TNXB: variants seen among roughly 807,000 people sequenced by gnomAD.
The protein encoded by TNXB is tenascin XB, also known as tenascin-X.
TNXB carries 183 observed loss-of-function variants against 340.5 expected under a neutral mutation model. The ratio of observed to expected loss-of-function variants is 0.54; its 90% CI spans 0.48 to 0.61. TNXB has a LOEUF of 0.61. Ranked by LOEUF, TNXB falls within the 20% of genes least tolerant of loss-of-function variation. The pLI is 0.00. For missense variants in TNXB, 4,613 were observed against 5,446.4 expected, an observed-to-expected ratio of 0.85 and a Z score of 4.82; for synonymous variants, 2,121 against 2,314.5, an observed-to-expected ratio of 0.92 and a Z score of 2.40.
chr6:32,096,555 C>A lies in TNXB; in HGVS notation c.1298G>T (p.Arg433Leu). The A allele has an allele frequency of 6.4e-7, 1 of 1,554,094 alleles. No individual in the cohort carries two copies. The highest frequency in any genetic ancestry group is 1.7e-4 in the Middle Eastern group (1 of 5,872). The change falls in exon 3 of 44, where the codon CGC becomes CTC. Residue 433 changes from arginine (R) to leucine (L), a missense_variant. Around this residue, in one of 7 missense-constraint regions of TNXB, gnomAD observed 4,327 missense variants for 4,859.4 expected, o/e 0.89. Coordinates refer to ENST00000644971, the MANE Select transcript of TNXB (RefSeq NM_001365276.2). ...ACCTCTACAGTCGCGTGGGCAGGCGCGCGAGCCGCAATCGGTTCCAGTGTA... is the reference window on the plus strand; with the variant it reads ...ACCTCTACAGTCGCGTGGGCAGGCGAGCGAGCCGCAATCGGTTCCAGTGTA... ...PGYTGTDCGSRACPRDCRGRG... is the reference protein window; with the variant it reads ...PGYTGTDCGSLACPRDCRGRG...
In TNXB at chr6:32,073,300, A is replaced by G. The variant is rs1194086970; in HGVS notation, c.4681+347T>C. On this transcript the variant is annotated intron_variant, in intron 12 of 43. Coordinates refer to ENST00000644971, the MANE Select transcript of TNXB (RefSeq NM_001365276.2). The surrounding 1 kb of genome is among the most constrained non-coding windows in gnomAD (Gnocchi z 4.6). ...AAGCAGGAGGTGGCAGCTGTGTCCA[A>G]GTCACAGCAGGGTTGTAAAGAGAAG... is the stretch of plus-strand genomic sequence containing the variant. Among the ~76,000 whole-genome samples, 1 of 152,200 alleles carries G rather than the reference A, an allele frequency of 6.6e-6. No homozygotes were observed. Among genetic ancestry groups the G allele is most frequent in the Non-Finnish European group, 1.5e-5 (1 of 68,034 alleles).
Position 32,097,614 on chromosome 6 carries a change from C to T in TNXB, c.404-165G>A. 9.1e-7 allele frequency: 1 copy of T among 1,093,248 alleles called. No individual in the cohort carries two copies. The highest frequency in any genetic ancestry group is 1.3e-6 in the Non-Finnish European group (1 of 787,122). 67.7% of individuals were successfully genotyped at this position (1,093,248 alleles called of 1,614,324 possible). On this transcript the variant is annotated intron_variant, in intron 2 of 43. Coordinates refer to ENST00000644971, the MANE Select transcript of TNXB (RefSeq NM_001365276.2). This position sits in a 1 kb window ranked among gnomAD's most constrained non-coding sequence, Gnocchi z 5.9. ...GTAATGTATGCAGCCTCTCAGGGCC[C>T]TCGCATATGCTTTGGTTGACATGTA... is the stretch of plus-strand genomic sequence containing the variant.
intron 18 of TNXB, among the ~76,000 whole-genome samples, chr6:32,065,780 G>A (rs529627017): frequency 2.6e-5 from 4 of 152,000 alleles, no homozygotes; most frequent in South Asian, 2.1e-4. Context: ...GTGCCACCAC[G>A]CTCCGCTTTT....
In TNXB at chr6:32,078,073, GAGAAAGAAAGAAAGAAAGAAAGAA is replaced by G. The variant is rs57498424; in HGVS notation, c.4375+936_4375+959del. ...AGAGAGAGAGAGAGACAGAAAGAAAGAGAAAGAAAGAAAGAAAGAAAGAAAGAAAGAAAGAAAGAAAGAAAGAAA... is the reference window on the plus strand; with the variant it reads ...AGAGAGAGAGAGAGACAGAAAGAAAGAGAAAGAAAGAAAGAAAGAAAGAAA... On this transcript the variant is annotated intron_variant, in intron 11 of 43. Coordinates refer to ENST00000644971, the MANE Select transcript of TNXB (RefSeq NM_001365276.2). Among the ~76,000 whole-genome samples the G allele has an allele frequency of 6.6e-4, 82 of 125,098 alleles. 1 individual carries two copies. Among genetic ancestry groups the G allele is most frequent in the Admixed American group, 2.5e-3 (30 of 11,890 alleles). The allele number at this position is 125,098 out of a possible 152,430, so 82.1% of individuals were successfully genotyped here. A position where few individuals can be genotyped will look rare whatever the true frequency, so the allele number is the denominator to read the frequency against.
chr6:32,078,807 A>G (rs1779260580), intron 11 of TNXB, among the ~76,000 whole-genome samples: 2 of 152,226 alleles, frequency 1.3e-5, no homozygotes, highest in Non-Finnish European at 2.9e-5. Flanking sequence ...TCTGTGAGGT[A>G]GGTGTCCCCA....
rs1172217170 is a variant in TNXB, at chr6:32,049,637, T to C, written c.9440-50A>G. ...GAGTGAGGGGGATGTCCTTGGGTCC[T>C]GGGGAAAAGGAGGGAGAAGCCAAGG... On this transcript the variant is annotated intron_variant, in intron 27 of 43. Coordinates refer to ENST00000644971, the MANE Select transcript of TNXB (RefSeq NM_001365276.2). This position sits in a 1 kb window ranked among gnomAD's most constrained non-coding sequence, Gnocchi z 4.5. The C allele has an allele frequency of 7.0e-6, 11 of 1,572,390 alleles. No homozygotes were observed. Among genetic ancestry groups the C allele is most frequent in the East Asian group, 2.3e-5 (1 of 44,290 alleles).
chr6:32,109,043 G>A (rs535332123), intron 1 of TNXB, 138 bp downstream of exon 1: 1 of 152,544 alleles, frequency 6.6e-6, no homozygotes, highest in East Asian at 1.9e-4. Context: ...ATGCTCCTAT[G>A]TCCTCTGTCC....
At chr6:32,104,125 C>A (rs920587482) in intron 1 of TNXB, among the ~76,000 whole-genome samples, 1 of 152,250 alleles carries the variant, frequency 6.6e-6, no homozygotes, top group East Asian at 1.9e-4. Context: ...CCAGAACGAC[C>A]AAGTAAGTGA....
chr6:32,043,781 T>G lies in TNXB; in HGVS notation c.11498A>C (p.Glu3833Ala). The G allele has an allele frequency of 6.2e-7, 1 of 1,613,424 alleles. No homozygotes were observed. Among genetic ancestry groups the G allele is most frequent in the Non-Finnish European group, 8.5e-7 (1 of 1,179,988 alleles). ...GAGGAAGCCTGTGAGAGGCTCACTC[T>G]CCTCAAAGCCTCGGACCGAGACCAC... ...VTVVSVRGFE[E>A]SEPLTGFLTT... Residue 3833 changes from glutamate (E) to alanine (A), a missense_variant, in exon 35 of 44, where the codon GAG becomes GCG. Around this residue, in one of 7 missense-constraint regions of TNXB, gnomAD observed 114 missense variants for 104.5 expected, o/e 1.09. Transcript: ENST00000644971.
chr6:32,062,613 T>C lies in TNXB; in HGVS notation c.6842-130A>G, dbSNP rs938423649. 29 of 924,944 alleles carry C rather than the reference T, an allele frequency of 3.1e-5. No homozygotes were observed. The highest frequency in any genetic ancestry group is 4.1e-5 in the Non-Finnish European group (26 of 634,760). The allele number at this position is 924,944 out of a possible 1,614,324, so 57.3% of individuals were successfully genotyped here. A position where few individuals can be genotyped will look rare whatever the true frequency, so the allele number is the denominator to read the frequency against. Reference sequence around the variant, plus strand: ...GGTGCCCCAAGCTTAGAATATCATTTTTCTGCTTTGAATGTTCAGTTAACA... The same window carrying C: ...GGTGCCCCAAGCTTAGAATATCATTCTTCTGCTTTGAATGTTCAGTTAACA... On this transcript the variant is annotated intron_variant, in intron 19 of 43. Coordinates refer to ENST00000644971, the MANE Select transcript of TNXB (RefSeq NM_001365276.2). This position sits in a 1 kb window ranked among gnomAD's most constrained non-coding sequence, Gnocchi z 4.3.
At chr6:32,066,642 G>C (rs1319319681) in intron 18 of TNXB, among the ~76,000 whole-genome samples, 1 of 152,184 alleles carries the variant, frequency 6.6e-6, no homozygotes, top group Admixed American at 6.5e-5. Flanking sequence ...TTTCTTTTGG[G>C]GGTGATGGAA....
rs758474797 is a variant in TNXB at position 32,068,364 on chromosome 6, C to T, written c.6220+26G>A. ...GAGGGTGACCCTCCCATGGCTCCCA[C>T]CCTGGGGCTCCCATCATCCACTCAC... On this transcript the variant is annotated intron_variant, in intron 17 of 43. Transcript: ENST00000644971. The surrounding 1 kb of genome is among the most constrained non-coding windows in gnomAD (Gnocchi z 5.3). 4 of 1,609,694 alleles carry T rather than the reference C, an allele frequency of 2.5e-6. No homozygotes were observed. The African/African-American group carries it at 4.0e-5, about 16-fold the overall frequency.
At position 32,073,010 on chromosome 6, in the gene TNXB, C is replaced by G. The variant is rs1212407674; in HGVS notation, c.4681+637G>C. On this transcript the variant is annotated intron_variant, in intron 12 of 43. Transcript: ENST00000644971. This position sits in a 1 kb window ranked among gnomAD's most constrained non-coding sequence, Gnocchi z 4.6. ...ATAAATATAATGTTTCCTTTGTAAT[C>G]CTATACAGCTTATTTTACAGATTTA... Among the ~76,000 whole-genome samples, 1 of 152,104 alleles carries G rather than the reference C, an allele frequency of 6.6e-6. No homozygotes were observed. The highest frequency in any genetic ancestry group is 1.5e-5 in the Non-Finnish European group (1 of 68,016).
Position 32,108,654 on chromosome 6 carries a change from G to C in TNXB, c.-9+527C>G, listed in dbSNP as rs1781095575. On this transcript the variant is annotated intron_variant, in intron 1 of 43. Transcript: ENST00000644971. This position sits in a 1 kb window ranked among gnomAD's most constrained non-coding sequence, Gnocchi z 4.8. Reference sequence around the variant, plus strand: ...TGCAACTCTCACGCTGCCACCTAGGGAGTCCCCATTTGGATGCCCAAAGAA... The same window carrying C: ...TGCAACTCTCACGCTGCCACCTAGGCAGTCCCCATTTGGATGCCCAAAGAA... Among the ~76,000 whole-genome samples the C allele has an allele frequency of 2.6e-5, 4 of 152,126 alleles. No individual in the cohort carries two copies. The highest frequency in any genetic ancestry group is 2.1e-4 in the South Asian group (1 of 4,820).
rs370247744 is a variant in TNXB at position 32,068,466 on chromosome 6, G to A, written c.6144C>T (p.Asp2048=). The A allele has an allele frequency of 6.8e-6, 11 of 1,613,756 alleles. No homozygotes were observed. In the South Asian group the frequency reaches 8.8e-5, roughly 13 times the overall value. ...CGTACAGGTTCATCTTGTATTTATG[G>A]TCTGGCTCCAGGCCCGAGATGGTGA... The part of the protein sequence containing the change: ...EGVTISGLEP[D]HKYKMNLYGF... Residue 2048 remains aspartate (D), a synonymous_variant, in exon 17 of 44, where the codon GAC becomes GAT. Transcript: ENST00000644971. This position sits in a 1 kb window ranked among gnomAD's most constrained non-coding sequence, Gnocchi z 5.3.
chr6:32,073,649 G>A lies in TNXB; in HGVS notation c.4679C>T (p.Thr1560Met), dbSNP rs535714494. The part of the protein sequence containing the change: ...RMGPLSVVIV[T>M]APLPPAPATE... ...GACTGAGTCCCCCCATTACTCACCCGTCACGATGACCACAGACAGGGGGCC... is the reference window on the plus strand; with the variant it reads ...GACTGAGTCCCCCCATTACTCACCCATCACGATGACCACAGACAGGGGGCC... Residue 1560 changes from threonine to methionine, a missense_variant and splice_region_variant, in exon 12 of 44, where the codon ACG (threonine) becomes ATG (methionine). Thr to Met is a moderately conservative substitution (Grantham distance 81). Coordinates refer to ENST00000644971, the MANE Select transcript of TNXB (RefSeq NM_001365276.2). The surrounding 1 kb of genome is among the most constrained non-coding windows in gnomAD (Gnocchi z 4.6). 6.0e-5 allele frequency: 97 copies of A among 1,605,654 alleles called. No individual in the cohort carries two copies. The highest frequency in any genetic ancestry group is 5.3e-4 in the South Asian group (48 of 90,100).
Position 32,087,162 on chromosome 6 carries a change from T to G in TNXB, c.2780-1044A>C. The G allele has an allele frequency of 2.3e-6, 1 of 434,758 alleles. No individual in the cohort carries two copies. Among genetic ancestry groups the G allele is most frequent in the East Asian group, 7.1e-5 (1 of 14,028 alleles). The allele number at this position is 434,758 out of a possible 1,614,324, so 26.9% of individuals were successfully genotyped here. A position where few individuals can be genotyped will look rare whatever the true frequency, so the allele number is the denominator to read the frequency against. ...GAAGGTAGAAGGGGGCAGTGGGGGGTGGCAGTGGGAGGAATTCATGAATGC... is the reference window on the plus strand; with the variant it reads ...GAAGGTAGAAGGGGGCAGTGGGGGGGGGCAGTGGGAGGAATTCATGAATGC... On this transcript the variant is annotated intron_variant, in intron 6 of 43. Transcript: ENST00000644971. The surrounding 1 kb of genome is among the most constrained non-coding windows in gnomAD (Gnocchi z 9.0).
Position 32,075,250 on chromosome 6 carries a change from C to T in TNXB, c.4376-1298G>A, listed in dbSNP as rs1225982051. 6.6e-6 allele frequency among the ~76,000 whole-genome samples: 1 copy of T among 152,234 alleles called. No homozygotes were observed. The highest frequency in any genetic ancestry group is 1.5e-5 in the Non-Finnish European group (1 of 68,048). On this transcript the variant is annotated intron_variant, in intron 11 of 43. Coordinates refer to ENST00000644971, the MANE Select transcript of TNXB (RefSeq NM_001365276.2). The surrounding 1 kb of genome is among the most constrained non-coding windows in gnomAD (Gnocchi z 4.6). ...GTTAACACATTAGCCAGAGCTGGTT[C>T]CCGCAGTGGCTTCTACCTCACTCAG...
In TNXB at chr6:32,086,064, G is replaced by C. The variant is rs745922428; in HGVS notation, c.2834C>G (p.Pro945Arg). The change falls in exon 7 of 44, where the codon CCC becomes CGC. Residue 945 changes from proline to arginine, a missense_variant. Coordinates refer to ENST00000644971, the MANE Select transcript of TNXB (RefSeq NM_001365276.2). ...GTTDEPPPSG[P>R]STTQGAQAPL... The stretch of plus-strand genomic sequence containing the variant: ...AGCCTGGGCCCCTTGCGTCGTCGAG[G>C]GGCCTGAGGGAGGAGGCTCATCGGT... 5 of 1,587,772 alleles carry C rather than the reference G, an allele frequency of 3.1e-6. No individual in the cohort carries two copies. Among genetic ancestry groups the C allele is most frequent in the Non-Finnish European group, 3.4e-6 (4 of 1,168,390 alleles).
Sources: gnomAD v4.1 joint callset for allele counts (sites outside exome capture counted in the v4.1 genomes callset) on GRCh38, gnomAD v4.1.1 for gene constraint, gnomAD v4.1.1 regional missense constraint, Gnocchi (gnomAD v3.1) non-coding constraint, MANE v1.5 for transcripts, NCBI Gene and HGNC (gene_info 2026-07-23, HGNC 2026-07-21) for gene names.